The following MSH6 variants were observed in gnomAD, a reference collection of about 807,000 sequenced individuals.
MSH6 encodes DNA mismatch repair protein Msh6.
Under a neutral mutation model 119.1 loss-of-function variants are expected in MSH6, and 85 were observed. The observed-to-expected ratio is 0.71, with a 90% CI of 0.60 to 0.85. The LOEUF is 0.85. MSH6 is among the 40% of genes least tolerant of loss of function. MSH6 has a pLI of 0.00. For missense variants in MSH6, 2,163 were observed against 1,655.3 expected (o/e 1.31, Z -5.32); for synonymous variants, 830 against 586.9 (o/e 1.41, Z -5.99).
rs1558396212 is a variant in MSH6, at chr2:47,806,873, G to GGAAGCTTTGAGTTGACTTCT, written c.*16_*35dup. 1 of 1,593,888 alleles carries GGAAGCTTTGAGTTGACTTCT rather than the reference G, an allele frequency of 6.3e-7. No homozygotes were observed. ...TAAGGAATTATAGACTGACTACATT[G>GGAAGCTTTGAGTTGACTTCT]GAAGCTTTGAGTTGACTTCTGACAA... On this transcript the variant is annotated 3_prime_UTR_variant, in exon 10 of 10. Transcript: ENST00000234420.
intron 7 of MSH6, 34 bp downstream of exon 7, chr2:47,805,741 TATCTTAAAAACATTTG>T (rs757711712): frequency 1.5e-6 from 2 of 1,331,396 alleles, no homozygotes; most frequent in South Asian, 2.3e-5. Flanking sequence ...GAAGACTATC[TATCTTAAAAACATTTG>T]TACAAATAAC....
chr2:47,800,367 T>C lies in MSH6; in HGVS notation c.2384T>C (p.Ile795Thr), dbSNP rs202127474. The C allele has an allele frequency of 1.4e-4, 223 of 1,614,140 alleles. No individual in the cohort carries two copies. In the South Asian group the frequency reaches 1.8e-3, roughly 13 times the overall value. Reference sequence around the variant, plus strand: ...GCTATTAATGATCGTCTAGATGCCATAGAAGACCTCATGGTTGTGCCTGAC... The same window carrying C: ...GCTATTAATGATCGTCTAGATGCCACAGAAGACCTCATGGTTGTGCCTGAC... ...HYAINDRLDA[I>T]EDLMVVPDKI... The change falls in exon 4 of 10, where the codon ATA (isoleucine) becomes ACA (threonine). Residue 795 changes from isoleucine (I) to threonine (T), a missense_variant. Coordinates refer to ENST00000234420, the MANE Select transcript of MSH6 (RefSeq NM_000179.3).
chr2:47,790,568 A>G (rs558295222), intron 1 of MSH6, among the ~76,000 whole-genome samples: 13 of 152,208 alleles, frequency 8.5e-5, no homozygotes, highest in Non-Finnish European at 1.6e-4. Context: ...TGATATGTAC[A>G]TACCATATTG....
At chr2:47,796,111 G>A (rs1458170351) in intron 3 of MSH6, 48 bp downstream of exon 3, 5 of 1,590,340 alleles carry the variant, frequency 3.1e-6, no homozygotes, top group Non-Finnish European at 4.3e-6. Context: ...GGGTGATGGG[G>A]GAAGAAAGGG....
intron 3 of MSH6, among the ~76,000 whole-genome samples, chr2:47,797,028 A>C (rs1168658669): frequency 1.3e-5 from 2 of 152,344 alleles, no homozygotes; most frequent in African/African-American, 4.8e-5. Context: ...AATTTAGAAC[A>C]AGCTTGTCCA....
chr2:47,790,293 G>A (rs1668647692), intron 1 of MSH6, among the ~76,000 whole-genome samples: 1 of 152,122 alleles, frequency 6.6e-6, no homozygotes, highest in Non-Finnish European at 1.5e-5. Flanking sequence ...GTGTGATGGC[G>A]TGTGCCTGTA....
rs1060502880 is a variant in MSH6 at position 47,803,626 on chromosome 2, G to A, written c.3379G>A (p.Ala1127Thr). The change falls in exon 5 of 10, where the codon GCC becomes ACC. Residue 1127 changes from alanine (A) to threonine (T), a missense_variant. Physicochemically the swap from Ala to Thr is moderately conservative, Grantham distance 58. Transcript: ENST00000234420. ...GGAAGAGGAGCAGGAAAATGGCAAAGCCTATTGTGTGCTTGTTACTGGACC... is the reference window on the plus strand; with the variant it reads ...GGAAGAGGAGCAGGAAAATGGCAAAACCTATTGTGTGCTTGTTACTGGACC... Reference protein sequence around the residue: ...CEEEEQENGKAYCVLVTGPNM... With the variant: ...CEEEEQENGKTYCVLVTGPNM... 1.2e-6 allele frequency: 2 copies of A among 1,614,022 alleles called. No individual in the cohort carries two copies. The highest frequency in any genetic ancestry group is 1.7e-6 in the Non-Finnish European group (2 of 1,180,030).
chr2:47,804,730 C>T (rs1410854940), intron 5 of MSH6, among the ~76,000 whole-genome samples, 180 bp from the exon 6 acceptor site: 3 of 152,208 alleles, frequency 2.0e-5, no homozygotes, highest in East Asian at 3.8e-4. Context: ...TGCCTCTTGT[C>T]TCTCTTAGCC....
chr2:47,783,175 G>A lies in MSH6; in HGVS notation c.-59G>A. The stretch of plus-strand genomic sequence containing the variant: ...TCCCGCCAGCAGGAGCCGCGCGGTA[G>A]ATGCGGTGCTTTTAGGAGCTCCGTC... On this transcript the variant is annotated 5_prime_UTR_variant, in exon 1 of 10. Coordinates refer to ENST00000234420, the MANE Select transcript of MSH6 (RefSeq NM_000179.3). The A allele has an allele frequency of 1.2e-6, 2 of 1,600,366 alleles. No individual in the cohort carries two copies. Among genetic ancestry groups the A allele is most frequent in the Admixed American group, 1.7e-5 (1 of 58,956 alleles).
At chr2:47,783,990 C>G in intron 1 of MSH6, 1 of 1,030,598 alleles carries the variant, frequency 9.7e-7, no homozygotes, top group Non-Finnish European at 1.2e-6. Flanking sequence ...GGAGGTTCCT[C>G]GGCCGGCGCG....
intron 2 of MSH6, among the ~76,000 whole-genome samples, chr2:47,791,868 C>T (rs1007452505): frequency 2.0e-5 from 3 of 150,102 alleles, no homozygotes; most frequent in East Asian, 2.0e-4. Flanking sequence ...TTTTTTGAGA[C>T]GGAGTTTTGC....
chr2:47,808,279 A>C (rs1385846133), downstream of MSH6: 5 of 1,612,808 alleles, frequency 3.1e-6, no homozygotes, highest in Non-Finnish European at 4.2e-6. Context: ...ATATTAGAAA[A>C]GTGAGGGGGA....
At position 47,798,924 on chromosome 2, in the gene MSH6, G is replaced by C. The variant is rs760100983; in HGVS notation, c.941G>C (p.Ser314Thr). ...GGAAATGGCTCTCTTAAAAGGAAAA[G>C]CTCTAGGAAGGAAACGCCCTCAGCC... Reference protein sequence around the residue: ...VTGNGSLKRKSSRKETPSATK... With the variant: ...VTGNGSLKRKTSRKETPSATK... The change falls in exon 4 of 10, where the codon AGC (serine) becomes ACC (threonine). Residue 314 changes from serine (S) to threonine (T), a missense_variant. Physicochemically the swap from Ser to Thr is moderately conservative, Grantham distance 58 (BLOSUM62 1). Coordinates refer to ENST00000234420, the MANE Select transcript of MSH6 (RefSeq NM_000179.3). 2 of 1,614,014 alleles carry C rather than the reference G, an allele frequency of 1.2e-6. No individual in the cohort carries two copies. Among genetic ancestry groups the C allele is most frequent in the African/African-American group, 1.3e-5 (1 of 74,918 alleles).
At chr2:47,792,380 G>C (rs772095986) in intron 2 of MSH6, among the ~76,000 whole-genome samples, 1 of 152,174 alleles carries the variant, frequency 6.6e-6, no homozygotes, top group Admixed American at 6.5e-5. Context: ...AAAAAGGATT[G>C]GGGGCATTTT....
chr2:47,785,155 C>A (rs1327773590), intron 1 of MSH6, among the ~76,000 whole-genome samples: 1 of 150,130 alleles, frequency 6.7e-6, no homozygotes, highest in African/African-American at 2.5e-5. Context: ...GTTTAATGGT[C>A]GCTATTTGAA....
At chr2:47,792,333 C>T (rs1367518545) in intron 2 of MSH6, among the ~76,000 whole-genome samples, 1 of 151,946 alleles carries the variant, frequency 6.6e-6, no homozygotes, top group Non-Finnish European at 1.5e-5. Flanking sequence ...GGGAAATTCC[C>T]AGAATCACAC....
At chr2:47,793,975 G>A (rs3136300) in intron 2 of MSH6, among the ~76,000 whole-genome samples, 11,090 of 151,510 alleles carry the variant, frequency 0.073, 576 homozygotes, top group Non-Finnish European at 0.11. Flanking sequence ...TAAGTGATCC[G>A]TCCACCTTGG....
Position 47,799,858 on chromosome 2 carries a change from C to T in MSH6, c.1875C>T (p.Ser625=), listed in dbSNP as rs63749886. The change falls in exon 4 of 10, where the codon TCC becomes TCT. Residue 625 remains serine, a synonymous_variant. Transcript: ENST00000234420. ...TTCAGGAAGGTCTGATACCCGGCTC[C>T]CAGTTTTGGGATGCATCCAAAACTT... ...CSLQEGLIPG[S]QFWDASKTLR... The T allele has an allele frequency of 9.1e-5, 147 of 1,614,038 alleles. No homozygotes were observed. In the Middle Eastern group the frequency reaches 9.9e-4, roughly 11 times the overall value.
rs1440012800 is a variant in MSH6, at chr2:47,783,498, C to G, written c.260+5C>G. 6 of 1,374,564 alleles carry G rather than the reference C, an allele frequency of 4.4e-6. No individual in the cohort carries two copies. The highest frequency in any genetic ancestry group is 3.4e-5 in the Admixed American group (1 of 29,688). 85.1% of individuals were successfully genotyped at this position (1,374,564 alleles called of 1,614,324 possible). ...AGCGCCTGCTGCCCCCACCAGGTAG[C>G]GGGGTGGGGGTGGGGTCGAAGGCGG... On this transcript the variant is annotated splice_donor_5th_base_variant and intron_variant, in intron 1 of 9. Transcript: ENST00000234420.
Sources: gnomAD v4.1 joint callset for allele counts (sites outside exome capture counted in the v4.1 genomes callset) on GRCh38, gnomAD v4.1.1 for gene constraint, MANE v1.5 for transcripts, NCBI Gene and HGNC (gene_info 2026-07-23, HGNC 2026-07-21) for gene names.